PLEKHM3: variants seen among roughly 807,000 people sequenced by gnomAD.
The protein encoded by PLEKHM3 is pleckstrin homology domain-containing family M member 3.
PLEKHM3 carries 45 observed loss-of-function variants against 81.8 expected under a neutral mutation model. The ratio of observed to expected loss-of-function variants is 0.55; its 90% CI spans 0.43 to 0.71. The LOEUF is 0.71. Ranked by LOEUF, PLEKHM3 falls within the 30% of genes least tolerant of loss-of-function variation. PLEKHM3 has a pLI of 0.00. For synonymous variants in PLEKHM3, 352 were observed against 356.4 expected (o/e 0.99, Z 0.14); for missense variants, 788 against 924.3 (o/e 0.85, Z 1.91).
chr2:207,895,518 T>C (rs575467729), intron 6 of PLEKHM3, among the ~76,000 whole-genome samples: 1 of 152,364 alleles, frequency 6.6e-6, no homozygotes, highest in East Asian at 1.9e-4. Flanking sequence ...CACAGTCTCC[T>C]TCCCCTGATT....
chr2:207,923,905 A>ATATATATATTTTT (rs1396762429), intron 5 of PLEKHM3, among the ~76,000 whole-genome samples: 4 of 28,334 alleles, frequency 1.4e-4, no homozygotes, highest in East Asian at 9.1e-4. Flanking sequence ...ATATATATAT[A>ATATATATATTTTT]TTTTTTTTTT....
intron 3 of PLEKHM3, among the ~76,000 whole-genome samples, chr2:207,951,626 T>C (rs1220623594): frequency 6.6e-6 from 1 of 152,188 alleles, no homozygotes; most frequent in Non-Finnish European, 1.5e-5. Flanking sequence ...GAAACAAATG[T>C]CACCATTTAA....
At chr2:207,867,925 G>A (rs79132054) in intron 6 of PLEKHM3, among the ~76,000 whole-genome samples, 4,279 of 151,984 alleles carry the variant, frequency 0.028, 202 homozygotes, top group African/African-American at 0.098. Context: ...CTACCTTCAG[G>A]TTCCAACCAA....
intron 3 of PLEKHM3, among the ~76,000 whole-genome samples, chr2:207,956,818 C>T (rs534106645): frequency 1.2e-4 from 18 of 148,476 alleles, no homozygotes; most frequent in Admixed American, 5.4e-4. Flanking sequence ...TATCCTCCCG[C>T]CCTGGCCTCC....
intron 7 of PLEKHM3, among the ~76,000 whole-genome samples, chr2:207,830,707 G>GAAGAAGGACACTTCTTCT (rs1298999465): frequency 3.2e-5 from 3 of 94,444 alleles, no homozygotes; most frequent in East Asian, 2.6e-4. Context: ...AGTGTCCTTA[G>GAAGAAGGACACTTCTTCT]AAGTGTCCTT....
intron 3 of PLEKHM3, among the ~76,000 whole-genome samples, chr2:207,958,033 G>A (rs1574443527): frequency 6.6e-6 from 1 of 152,082 alleles, no homozygotes; most frequent in East Asian, 1.9e-4. Flanking sequence ...TGTCAATAAC[G>A]CCACTGTTGG....
chr2:207,955,952 A>AT (rs1690492648), intron 3 of PLEKHM3, among the ~76,000 whole-genome samples: 1 of 152,182 alleles, frequency 6.6e-6, no homozygotes, highest in African/African-American at 2.4e-5. Flanking sequence ...AGCAATCACT[A>AT]TTGTGGAGAT....
At chr2:207,983,669 T>C (rs1454578969) in intron 2 of PLEKHM3, among the ~76,000 whole-genome samples, 1 of 152,166 alleles carries the variant, frequency 6.6e-6, no homozygotes, top group Non-Finnish European at 1.5e-5. Flanking sequence ...TCCTCCTCAG[T>C]GAAGATCCCC....
chr2:207,830,607 CA>C (rs10685657), intron 7 of PLEKHM3, among the ~76,000 whole-genome samples: 114 of 127,474 alleles, frequency 8.9e-4, no homozygotes, highest in Middle Eastern at 4.0e-3. Context: ...AACTCTGTCT[CA>C]AAAAAAAAAA....
chr2:207,891,580 T>C (rs1688061316), intron 6 of PLEKHM3, among the ~76,000 whole-genome samples: 1 of 152,184 alleles, frequency 6.6e-6, no homozygotes, highest in African/African-American at 2.4e-5. Flanking sequence ...TAGACCAGGG[T>C]TATTTAAAGA....
chr2:207,941,549 A>G (rs905513518), intron 4 of PLEKHM3, among the ~76,000 whole-genome samples: 1 of 152,258 alleles, frequency 6.6e-6, no homozygotes, highest in Non-Finnish European at 1.5e-5. Context: ...ATGCTTCAGA[A>G]CATTGGCCTG....
At chr2:207,901,181 T>C in intron 6 of PLEKHM3, 1 of 692,276 alleles carries the variant, frequency 1.4e-6, no homozygotes, top group Non-Finnish European at 2.6e-6. Context: ...ATCTTTCTGA[T>C]CTGGCTTCCA....
At chr2:207,954,789 AT>A (rs1287829942) in intron 3 of PLEKHM3, among the ~76,000 whole-genome samples, 1 of 152,246 alleles carries the variant, frequency 6.6e-6, no homozygotes, top group Admixed American at 6.5e-5. Flanking sequence ...TGAAGTGAAA[AT>A]CACATGTCAA....
intron 7 of PLEKHM3, among the ~76,000 whole-genome samples, chr2:207,850,668 C>T (rs1318239207): frequency 3.3e-5 from 5 of 151,988 alleles, no homozygotes; most frequent in African/African-American, 7.3e-5. Flanking sequence ...ATCTTAATAA[C>T]GAGAGAAGAT....
intron 3 of PLEKHM3, among the ~76,000 whole-genome samples, chr2:207,968,397 G>A (rs969189681): frequency 6.6e-6 from 1 of 151,986 alleles, no homozygotes; most frequent in African/African-American, 2.4e-5. Flanking sequence ...GGGGTGGGGG[G>A]CCACTTTAGC....
At chr2:207,959,702 A>G (rs1690666913) in intron 3 of PLEKHM3, among the ~76,000 whole-genome samples, 1 of 152,226 alleles carries the variant, frequency 6.6e-6, no homozygotes, top group Admixed American at 6.5e-5. Flanking sequence ...AAACCCTGAC[A>G]GCATTTCTTA....
chr2:207,823,619 G>A lies in PLEKHM3; in HGVS notation c.*4700C>T, dbSNP rs1470586205. 1 of 152,150 alleles carries A rather than the reference G, an allele frequency of 6.6e-6. No individual in the cohort carries two copies. Among genetic ancestry groups the A allele is most frequent in the Non-Finnish European group, 1.5e-5 (1 of 68,012 alleles). 9.4% of individuals were successfully genotyped at this position (152,150 alleles called of 1,614,324 possible). On this transcript the variant is annotated 3_prime_UTR_variant, in exon 8 of 8. Transcript: ENST00000427836. ...GTTCAGCCTAATTTTTTTATTTTTAGTATAGACCTGATTTCACCATTTTTG... is the reference window on the plus strand; with the variant it reads ...GTTCAGCCTAATTTTTTTATTTTTAATATAGACCTGATTTCACCATTTTTG...
intron 6 of PLEKHM3, chr2:207,900,864 A>T (rs751030580): frequency 5.8e-6 from 1 of 173,672 alleles, no homozygotes; most frequent in African/African-American, 2.4e-5. Flanking sequence ...ACCTTACTCT[A>T]TATCTTTAAG....
At chr2:207,871,596 C>T (rs1017188914) in intron 6 of PLEKHM3, among the ~76,000 whole-genome samples, 16 of 152,108 alleles carry the variant, frequency 1.1e-4, no homozygotes, top group African/African-American at 3.4e-4. Context: ...AAGATGAAAC[C>T]GAGAAGGCAC....
Sources: allele counts gnomAD v4.1 joint callset (sites outside exome capture counted in the v4.1 genomes callset), GRCh38; gene constraint gnomAD v4.1.1; transcripts MANE v1.5; gene names NCBI Gene and HGNC (gene_info 2026-07-23, HGNC 2026-07-21).